The following PDE3B variants were observed in gnomAD, a reference collection of about 807,000 sequenced individuals.
The protein encoded by PDE3B is cGMP-inhibited 3',5'-cyclic phosphodiesterase 3B.
PDE3B carries 66 observed loss-of-function variants against 116.8 expected under a neutral mutation model. The observed-to-expected ratio is 0.56, with a 90% confidence interval of 0.46 to 0.69. The LOEUF (loss-of-function observed/expected upper bound fraction) is 0.69, where lower values mean the gene tolerates loss of function less well. Among genes scored for constraint, PDE3B ranks in the 30% least tolerant of loss-of-function variants. The pLI, the probability that PDE3B is intolerant of heterozygous loss-of-function variation, is 0.00. For synonymous variants in PDE3B, 595 were observed against 533.6 expected (o/e 1.12, Z -1.59); for missense variants, 1,384 against 1,368.1 (o/e 1.01, Z -0.18).
At chr11:14,757,567 T>A (rs932188965) in intron 1 of PDE3B, among the ~76,000 whole-genome samples, 2 of 132,718 alleles carry the variant, frequency 1.5e-5, no homozygotes, top group African/African-American at 6.0e-5. Flanking sequence ...TGATGAGCAT[T>A]TTTTCATGTG....
In PDE3B at chr11:14,644,831, G is replaced by T. The variant is rs201771414; in HGVS notation, c.756G>T (p.Val252=). 41 of 1,611,818 alleles carry T rather than the reference G, an allele frequency of 2.5e-5. No homozygotes were observed. The East Asian group carries it at 7.6e-4, about 30-fold the overall frequency. The part of the protein sequence containing the change: ...SALRPLLSGL[V]GGAGCLLALG... The stretch of plus-strand genomic sequence containing the variant: ...TCAGGCCGCTGCTCTCCGGCCTGGT[G>T]GGGGGCGCTGGCTGCCTGCTGGCCC... The change falls in exon 1 of 16, where the codon GTG becomes GTT. Residue 252 remains valine, a synonymous_variant. Coordinates refer to ENST00000282096, the MANE Select transcript of PDE3B (RefSeq NM_000922.4).
At chr11:14,821,720 G>C (rs540569892) in intron 7 of PDE3B, among the ~76,000 whole-genome samples, 1 of 151,876 alleles carries the variant, frequency 6.6e-6, no homozygotes, top group African/African-American at 2.4e-5. Context: ...ATTAATGATT[G>C]GTATATTCAT....
chr11:14,674,281 G>A (rs1854463249), intron 1 of PDE3B: 7 of 1,107,878 alleles, frequency 6.3e-6, no homozygotes, highest in Non-Finnish European at 9.6e-6. Context: ...TCCTGGGGCA[G>A]CCCCTATCGT....
At chr11:14,657,257 A>G (rs554864123) in intron 1 of PDE3B, among the ~76,000 whole-genome samples, 78 of 152,322 alleles carry the variant, frequency 5.1e-4, no homozygotes, top group Middle Eastern at 3.4e-3. Context: ...GCATGTTGAT[A>G]ACTATGCAGC....
intron 7 of PDE3B, among the ~76,000 whole-genome samples, chr11:14,829,451 T>C (rs1859802964): frequency 2.6e-5 from 4 of 152,110 alleles, no homozygotes. Context: ...AAGTAATAAA[T>C]GATTATCATA....
At chr11:14,826,740 A>G (rs1565154359) in intron 7 of PDE3B, among the ~76,000 whole-genome samples, 1 of 152,144 alleles carries the variant, frequency 6.6e-6, no homozygotes, top group Non-Finnish European at 1.5e-5. Flanking sequence ...TGAAAGTAGT[A>G]TTACAAAAAA....
chr11:14,662,976 C>T (rs1472886615), intron 1 of PDE3B, among the ~76,000 whole-genome samples: 3 of 151,754 alleles, frequency 2.0e-5, no homozygotes, highest in East Asian at 1.9e-4. Context: ...AGATACTCCT[C>T]GAGAAGAGCA....
chr11:14,806,853 C>T (rs1202434396), intron 5 of PDE3B, among the ~76,000 whole-genome samples: 17 of 122,578 alleles, frequency 1.4e-4, no homozygotes, highest in Non-Finnish European at 1.1e-4. Context: ...AGTGAGACTC[C>T]GTCTCAAAAA....
At chr11:14,856,607 C>A (rs1248232585) in intron 12 of PDE3B, among the ~76,000 whole-genome samples, 5 of 152,054 alleles carry the variant, frequency 3.3e-5, no homozygotes, top group Admixed American at 2.6e-4. Context: ...GTAATCCCAG[C>A]ACTTTGGGAG....
At chr11:14,732,993 GAC>G (rs921482586) in intron 1 of PDE3B, among the ~76,000 whole-genome samples, 1 of 152,096 alleles carries the variant, frequency 6.6e-6, no homozygotes, top group African/African-American at 2.4e-5. Context: ...TCATTGTTAA[GAC>G]ACACTTAAAT....
chr11:14,789,050 A>G (rs1280807209), intron 3 of PDE3B, 56 bp from the exon 4 acceptor site: 7 of 1,242,076 alleles, frequency 5.6e-6, no homozygotes, highest in African/African-American at 1.5e-5. Flanking sequence ...CACTAATATT[A>G]CATATATAGC....
chr11:14,822,201 C>T (rs933699719), intron 7 of PDE3B, among the ~76,000 whole-genome samples: 1 of 152,042 alleles, frequency 6.6e-6, no homozygotes, highest in East Asian at 1.9e-4. Flanking sequence ...TTATGCCTGG[C>T]CAAGATCTCT....
At position 14,831,685 on chromosome 11, in the gene PDE3B, G is replaced by T. The variant is rs771448175; in HGVS notation, c.2002G>T (p.Asp668Tyr). 2 of 1,597,272 alleles carry T rather than the reference G, an allele frequency of 1.3e-6. No individual in the cohort carries two copies. Among genetic ancestry groups the T allele is most frequent in the South Asian group, 1.1e-5 (1 of 89,364 alleles). ...GGACCTGATTTTAGTAGAAGAGTATGACTCATTAATAGAAAAGATGAGCAA... is the reference window on the plus strand; with the variant it reads ...GGACCTGATTTTAGTAGAAGAGTATTACTCATTAATAGAAAAGATGAGCAA... ...SLDLILVEEY[D>Y]SLIEKMSNWN... Residue 668 changes from aspartate to tyrosine, a missense_variant, in exon 9 of 16, where the codon GAC becomes TAC. By Grantham distance (160) the Asp-to-Tyr change is radical. Coordinates refer to ENST00000282096, the MANE Select transcript of PDE3B (RefSeq NM_000922.4).
chr11:14,667,165 C>G (rs1356407577), intron 1 of PDE3B, among the ~76,000 whole-genome samples: 2 of 150,520 alleles, frequency 1.3e-5, no homozygotes, highest in Non-Finnish European at 3.0e-5. Flanking sequence ...ATCATCATTC[C>G]CAGTAAACTA....
chr11:14,759,854 T>C (rs146123127), intron 1 of PDE3B, among the ~76,000 whole-genome samples: 3 of 152,170 alleles, frequency 2.0e-5, no homozygotes, highest in East Asian at 1.9e-4. Flanking sequence ...GCTACAGATA[T>C]TGTTTTAAGT....
At chr11:14,761,579 T>C (rs1857361084) in intron 1 of PDE3B, among the ~76,000 whole-genome samples, 1 of 152,188 alleles carries the variant, frequency 6.6e-6, no homozygotes, top group African/African-American at 2.4e-5. Context: ...GAAAAGTTAT[T>C]TTGCCTATTC....
At chr11:14,884,014 TAAA>T in the PDE3B span, among the ~76,000 whole-genome samples, 1 of 151,950 alleles carries the variant, frequency 6.6e-6, no homozygotes, top group African/African-American at 2.4e-5. Context: ...TGGCAATCAT[TAAA>T]AAGTCAGGAA....
At chr11:14,812,204 G>T (rs1223504639) in intron 5 of PDE3B, among the ~76,000 whole-genome samples, 1 of 152,132 alleles carries the variant, frequency 6.6e-6, no homozygotes, top group Non-Finnish European at 1.5e-5. Context: ...CAACTCTGTG[G>T]ATTTCTAAAA....
At chr11:14,858,522 T>C (rs1555006514) in intron 12 of PDE3B, among the ~76,000 whole-genome samples, 1 of 152,170 alleles carries the variant, frequency 6.6e-6, no homozygotes, top group Non-Finnish European at 1.5e-5. Flanking sequence ...CCAGGCCCTG[T>C]GTGAGGATGG....
Sources: allele counts gnomAD v4.1 joint callset (sites outside exome capture counted in the v4.1 genomes callset), GRCh38; gene constraint gnomAD v4.1.1; transcripts MANE v1.5; gene names NCBI Gene and HGNC (gene_info 2026-07-23, HGNC 2026-07-21).